PSMA1: variants seen among roughly 807,000 people sequenced by gnomAD.
PSMA1 encodes the protein proteasome subunit alpha type-1.
A neutral mutation model predicts 38.4 loss-of-function variants in PSMA1; 3 were observed. The observed-to-expected ratio is 0.08, with a 90% CI of 0.04 to 0.20. The LOEUF is 0.20. Among genes scored for constraint, PSMA1 ranks in the 10% least tolerant of loss-of-function variants. The probability of loss-of-function intolerance (pLI) is 1.00; values close to 1 mark genes in which losing one functional copy is unlikely to be tolerated. For missense variants in PSMA1, 227 were observed against 325.3 expected (o/e 0.70, Z 2.32); for synonymous variants, 101 against 107.1 (o/e 0.94, Z 0.35).
At chr11:14,560,801 T>A (rs989440982) in intron 2 of PSMA1, among the ~76,000 whole-genome samples, 1 of 152,196 alleles carries the variant, frequency 6.6e-6, no homozygotes, top group Admixed American at 6.5e-5. Context: ...AAGTAGCACC[T>A]CAGTTGCACC....
chr11:14,597,458 C>G (rs1314175068), intron 2 of PSMA1, among the ~76,000 whole-genome samples: 2 of 152,138 alleles, frequency 1.3e-5, no homozygotes, highest in East Asian at 1.9e-4. Context: ...CAACTTCTTC[C>G]TGGTTTAGTC....
At position 14,507,702 on chromosome 11, in the gene PSMA1, G is replaced by A. The variant is rs1851268695; in HGVS notation, c.689C>T (p.Ser230Phe). 4 of 1,613,016 alleles carry A rather than the reference G, an allele frequency of 2.5e-6. No homozygotes were observed. The highest frequency in any genetic ancestry group is 3.4e-6 in the Non-Finnish European group (4 of 1,179,334). ...EFTIYDDDDV[S>F]PFLEGLEERP... ...TTCTTCAAGACCTTCCAGGAATGGA[G>A]ACACATCATCATCATCATAGATTGT... Residue 230 changes from serine (S) to phenylalanine (F), a missense_variant, in exon 9 of 10, where the codon TCT (serine) becomes TTT (phenylalanine). By Grantham distance (155) the Ser-to-Phe change is radical. Transcript: ENST00000396394.
intron 2 of PSMA1, among the ~76,000 whole-genome samples, chr11:14,544,760 A>G (rs763196341): frequency 1.1e-4 from 17 of 152,222 alleles, no homozygotes; most frequent in Non-Finnish European, 2.5e-4. Context: ...CACTTAGGAA[A>G]ACAGTCACGC....
intron 1 of PSMA1, among the ~76,000 whole-genome samples, chr11:14,625,558 T>C (rs925986239): frequency 2.0e-5 from 3 of 152,210 alleles, no homozygotes; most frequent in Admixed American, 6.5e-5. Flanking sequence ...AATACTTCTT[T>C]TGGGCTTCTC....
chr11:14,639,786 T>C lies in PSMA1; in HGVS notation c.-166+3669A>G, dbSNP rs562919721. Among the ~76,000 whole-genome samples, 8 of 152,352 alleles carry C rather than the reference T, an allele frequency of 5.3e-5. No homozygotes were observed. The East Asian group carries it at 1.2e-3, about 22-fold the overall frequency. On this transcript the variant is annotated intron_variant, in intron 1 of 10. Coordinates refer to the PSMA1 transcript ENST00000418988. ...CTTTGCCCAGATTATCTTTTCTACTTACTTTACTTAGGTAACTTATATTCA... is the reference window on the plus strand; with the variant it reads ...CTTTGCCCAGATTATCTTTTCTACTCACTTTACTTAGGTAACTTATATTCA...
intron 8 of PSMA1, among the ~76,000 whole-genome samples, chr11:14,507,975 A>G (rs2134141023): frequency 6.6e-6 from 1 of 152,346 alleles, no homozygotes; most frequent in South Asian, 2.1e-4. Context: ...TTTGATTATC[A>G]TGAGTAACTC....
upstream of PSMA1, among the ~76,000 whole-genome samples, chr11:14,521,830 T>C (rs371124175): frequency 6.6e-6 from 1 of 151,544 alleles, no homozygotes; most frequent in Non-Finnish European, 1.5e-5. Context: ...CAACATATAC[T>C]CTCAACAGTA....
chr11:14,600,767 C>T (rs1383375217), intron 2 of PSMA1, among the ~76,000 whole-genome samples: 1 of 152,204 alleles, frequency 6.6e-6, no homozygotes, highest in Non-Finnish European at 1.5e-5. Flanking sequence ...CAACCAGTCC[C>T]AGTGAGATGC....
At chr11:14,627,057 T>C (rs929687077) in intron 1 of PSMA1, among the ~76,000 whole-genome samples, 3 of 152,192 alleles carry the variant, frequency 2.0e-5, no homozygotes, top group East Asian at 1.9e-4. Flanking sequence ...AAGTTTTTTT[T>C]CTCCATCCCT....
intron 7 of PSMA1, 194 bp downstream of exon 7, chr11:14,513,375 GA>G: frequency 1.9e-6 from 1 of 536,760 alleles, no homozygotes; most frequent in Non-Finnish European, 2.8e-6. Context: ...ACTCGTGCTT[GA>G]AACTACTGTG....
At chr11:14,632,234 G>A (rs1247154044) in intron 1 of PSMA1, among the ~76,000 whole-genome samples, 10 of 148,800 alleles carry the variant, frequency 6.7e-5, no homozygotes, top group Middle Eastern at 3.4e-3. Context: ...TAATTTGCTC[G>A]TTAGTTGATG....
At chr11:14,514,072 A>G (rs1248471133) in intron 5 of PSMA1, 185 bp from the exon 6 acceptor site, 5 of 1,322,534 alleles carry the variant, frequency 3.8e-6, no homozygotes, top group Non-Finnish European at 4.8e-6. Context: ...ACCGAACCTA[A>G]GAAAGAGTGC....
chr11:14,527,795 G>A (rs966725777), intron 2 of PSMA1, among the ~76,000 whole-genome samples: 4 of 152,060 alleles, frequency 2.6e-5, no homozygotes, highest in African/African-American at 9.7e-5. Context: ...CAGGCTCTTG[G>A]TATTCAGTGG....
intron 1 of PSMA1, among the ~76,000 whole-genome samples, chr11:14,635,856 C>T (rs182163831): frequency 6.6e-6 from 1 of 152,260 alleles, no homozygotes; most frequent in East Asian, 1.9e-4. Flanking sequence ...GAATCTGTAG[C>T]CTCACTGTCA....
At chr11:14,543,150 C>T (rs1381014707) in intron 2 of PSMA1, among the ~76,000 whole-genome samples, 1 of 152,084 alleles carries the variant, frequency 6.6e-6, no homozygotes, top group East Asian at 1.9e-4. Flanking sequence ...TTTTTAAGAG[C>T]ATAAAATAAA....
chr11:14,590,618 T>A (rs1008994264), intron 2 of PSMA1, among the ~76,000 whole-genome samples: 1 of 152,184 alleles, frequency 6.6e-6, no homozygotes. Flanking sequence ...TTGAAATGGG[T>A]AACACTCTCT....
chr11:14,605,549 C>A (rs2134195878), intron 2 of PSMA1, among the ~76,000 whole-genome samples: 1 of 152,050 alleles, frequency 6.6e-6, no homozygotes, highest in Admixed American at 6.6e-5. Flanking sequence ...ATGCCTGGCG[C>A]TAACTTTGTT....
intron 1 of PSMA1, among the ~76,000 whole-genome samples, chr11:14,625,284 A>C (rs924344467): frequency 6.6e-6 from 1 of 152,100 alleles, no homozygotes; most frequent in Non-Finnish European, 1.5e-5. Flanking sequence ...CCCTATCTCT[A>C]CCAAAAATAC....
chr11:14,533,545 G>C (rs1851671287), intron 2 of PSMA1, among the ~76,000 whole-genome samples: 1 of 151,596 alleles, frequency 6.6e-6, no homozygotes, highest in South Asian at 2.1e-4. Flanking sequence ...CAAACTATAG[G>C]CTTCAGACTT....
Sources: allele counts gnomAD v4.1 joint callset (sites outside exome capture counted in the v4.1 genomes callset), GRCh38; gene constraint gnomAD v4.1.1; transcripts MANE v1.5; gene names NCBI Gene and HGNC (gene_info 2026-07-23, HGNC 2026-07-21).